PTN: variants seen among roughly 807,000 people sequenced by gnomAD.
PTN encodes pleiotrophin, also known as heparin affin regulatory protein.
A neutral mutation model predicts 24.1 loss-of-function variants in PTN; 18 were observed. The observed-to-expected ratio is 0.75, with a 90% CI of 0.52 to 1.11. PTN has a LOEUF of 1.11. PTN is among the 50% of genes least tolerant of loss of function. PTN has a pLI of 0.00. For synonymous variants in PTN, 78 were observed against 68.6 expected (o/e 1.14, Z -0.67); for missense variants, 163 against 198.8 (o/e 0.82, Z 1.08).
intron 1 of PTN, among the ~76,000 whole-genome samples, chr7:137,256,036 A>C (rs1375035651): frequency 6.6e-6 from 1 of 152,178 alleles, no homozygotes; most frequent in Non-Finnish European, 1.5e-5. Flanking sequence ...TGTGAACAAT[A>C]AAACGTTTCA....
rs772845201 is a variant in PTN at position 137,343,647 on chromosome 7, A to AT, written c.-211dup. On this transcript the variant is annotated 5_prime_UTR_variant, in exon 1 of 5. Coordinates refer to ENST00000348225, the MANE Select transcript of PTN (RefSeq NM_002825.7). ...TCTGCTCTGGGGCTCTCTTGGCGGG[A>AT]TTTTTGGACTGGAAGGCGGGGAACC... 3 of 517,898 alleles carry AT rather than the reference A, an allele frequency of 5.8e-6. No individual in the cohort carries two copies. In the African/African-American group the frequency reaches 5.8e-5, roughly 10 times the overall value. The allele number at this position is 517,898 out of a possible 1,614,324, so 32.1% of individuals were successfully genotyped here. A position where few individuals can be genotyped will look rare whatever the true frequency, so the allele number is the denominator to read the frequency against.
chr7:137,296,267 GATA>G (rs1180139804), intron 1 of PTN, among the ~76,000 whole-genome samples: 1 of 152,030 alleles, frequency 6.6e-6, no homozygotes, highest in Non-Finnish European at 1.5e-5. Context: ...TAATAATCAT[GATA>G]ATAAATATTT....
intron 1 of PTN, among the ~76,000 whole-genome samples, chr7:137,285,170 A>G (rs7786318): frequency 0.18 from 27,203 of 152,116 alleles, 2,769 homozygotes; most frequent in Middle Eastern, 0.25. Flanking sequence ...ATTGAGCTGG[A>G]TTCTATACAC....
chr7:137,279,790 A>G (rs1049747537), intron 1 of PTN, among the ~76,000 whole-genome samples: 14 of 152,374 alleles, frequency 9.2e-5, no homozygotes, highest in African/African-American at 2.9e-4. Context: ...AATTTCTGAA[A>G]GAACACTCAG....
At chr7:137,288,120 A>G (rs954892918) in intron 1 of PTN, among the ~76,000 whole-genome samples, 2 of 152,184 alleles carry the variant, frequency 1.3e-5, no homozygotes, top group African/African-American at 4.8e-5. Flanking sequence ...AAAGCAGAGA[A>G]TTGATTAGGA....
At chr7:137,228,449 C>A (rs1265892324) in intron 4 of PTN, among the ~76,000 whole-genome samples, 2 of 151,734 alleles carry the variant, frequency 1.3e-5, no homozygotes, top group African/African-American at 4.8e-5. Flanking sequence ...AGTAAATTAC[C>A]CAGGTCACTG....
rs1808351655 is a variant in PTN at position 137,227,403 on chromosome 7, AT to A, written c.*616del. ...ATTTTTTTCCTCAGATGGAAAAATA[AT>A]TTCATCAAGAAAACAAATGCTTCTG... On this transcript the variant is annotated 3_prime_UTR_variant, in exon 5 of 5. Coordinates refer to ENST00000348225, the MANE Select transcript of PTN (RefSeq NM_002825.7). The A allele has an allele frequency of 6.6e-6, 1 of 151,662 alleles. No individual in the cohort carries two copies. Among genetic ancestry groups the A allele is most frequent in the African/African-American group, 2.4e-5 (1 of 41,282 alleles). The allele number at this position is 151,662 out of a possible 1,614,324, so 9.4% of individuals were successfully genotyped here. A position where few individuals can be genotyped will look rare whatever the true frequency, so the allele number is the denominator to read the frequency against.
rs1808990274 is a variant in PTN, at chr7:137,259,264, A to AATTTTCAAGATGG, written c.-1-4303_-1-4291dup. Reference sequence around the variant, plus strand: ...TCCTTAGTATTTTAAGGAGATCTAGAATTTTCAAGATGGTAATATCTAAAG... The same window carrying AATTTTCAAGATGG: ...TCCTTAGTATTTTAAGGAGATCTAGAATTTTCAAGATGGATTTTCAAGATGGTAATATCTAAAG... On this transcript the variant is annotated intron_variant, in intron 1 of 4. Transcript: ENST00000348225. Among the ~76,000 whole-genome samples the AATTTTCAAGATGG allele has an allele frequency of 2.0e-5, 3 of 152,202 alleles. No homozygotes were observed. In the South Asian group the frequency reaches 6.2e-4, roughly 32 times the overall value.
intron 4 of PTN, among the ~76,000 whole-genome samples, chr7:137,239,085 A>G (rs1260528686): frequency 6.6e-6 from 1 of 152,220 alleles, no homozygotes; most frequent in Non-Finnish European, 1.5e-5. Flanking sequence ...CACAGTTTGA[A>G]GTAAACCTAC....
intron 1 of PTN, among the ~76,000 whole-genome samples, chr7:137,318,176 G>A (rs1397339463): frequency 6.6e-6 from 1 of 152,178 alleles, no homozygotes; most frequent in Non-Finnish European, 1.5e-5. Flanking sequence ...GCTGAGGCAG[G>A]AGAATTGCTT....
At chr7:137,238,245 G>A (rs911287317) in intron 4 of PTN, among the ~76,000 whole-genome samples, 3 of 152,170 alleles carry the variant, frequency 2.0e-5, no homozygotes, top group Non-Finnish European at 4.4e-5. Context: ...TCAAATTGTG[G>A]TGAAGCACCA....
intron 1 of PTN, among the ~76,000 whole-genome samples, chr7:137,288,208 A>C (rs564420430): frequency 1.4e-4 from 22 of 152,314 alleles, no homozygotes; most frequent in African/African-American, 5.3e-4. Context: ...TTGTTTAATA[A>C]ACAAGCTGTT....
intron 1 of PTN, among the ~76,000 whole-genome samples, chr7:137,304,706 T>G (rs1459397613): frequency 6.6e-6 from 1 of 151,984 alleles, no homozygotes; most frequent in Non-Finnish European, 1.5e-5. Flanking sequence ...AAGGGGTTAA[T>G]AGTTTCAAAA....
intron 1 of PTN, among the ~76,000 whole-genome samples, chr7:137,323,793 T>A (rs1334463806): frequency 6.6e-6 from 1 of 152,148 alleles, no homozygotes; most frequent in African/African-American, 2.4e-5. Context: ...GGCCCTACCC[T>A]CAGAGTCTGG....
At chr7:137,243,355 A>T (rs1188649588) in intron 4 of PTN, among the ~76,000 whole-genome samples, 1 of 152,206 alleles carries the variant, frequency 6.6e-6, no homozygotes, top group African/African-American at 2.4e-5. Flanking sequence ...TCCAGTGAGG[A>T]GAGACCCAAC....
chr7:137,292,423 G>A (rs1250741433), intron 1 of PTN, among the ~76,000 whole-genome samples: 3 of 152,084 alleles, frequency 2.0e-5, no homozygotes, highest in Admixed American at 6.6e-5. Flanking sequence ...TCATGGTAGT[G>A]AATAAGTCTC....
At chr7:137,268,540 G>C (rs1225533805) in intron 1 of PTN, among the ~76,000 whole-genome samples, 2 of 152,172 alleles carry the variant, frequency 1.3e-5, no homozygotes, top group South Asian at 2.1e-4. Flanking sequence ...AGCAAGCCAG[G>C]GGGTACGTGA....
At chr7:137,338,194 C>A (rs1414793163) in intron 1 of PTN, among the ~76,000 whole-genome samples, 2 of 152,128 alleles carry the variant, frequency 1.3e-5, no homozygotes, top group Non-Finnish European at 2.9e-5. Context: ...AGCTGAAGTA[C>A]AAGGATTTGC....
intron 1 of PTN, among the ~76,000 whole-genome samples, chr7:137,341,207 A>C (rs1339522434): frequency 6.6e-6 from 1 of 152,218 alleles, no homozygotes; most frequent in Non-Finnish European, 1.5e-5. Flanking sequence ...ATTTTACTAA[A>C]AAAAGTGATT....
Sources: allele counts gnomAD v4.1 joint callset (sites outside exome capture counted in the v4.1 genomes callset), GRCh38; gene constraint gnomAD v4.1.1; transcripts MANE v1.5; gene names NCBI Gene and HGNC (gene_info 2026-07-23, HGNC 2026-07-21).